IGF2R: variants seen among roughly 807,000 people sequenced by gnomAD.
IGF2R encodes insulin like growth factor 2 receptor, also known as cation-independent mannose-6-phosphate receptor.
A neutral mutation model predicts 270.6 loss-of-function variants in IGF2R; 91 were observed. The observed-to-expected ratio is 0.34, with a 90% CI of 0.28 to 0.40. The LOEUF is 0.40. IGF2R is among the 10% of genes least tolerant of loss of function. IGF2R has a pLI of 1.00. For synonymous variants in IGF2R, 1,316 were observed against 1,258.9 expected (o/e 1.05, Z -0.96); for missense variants, 2,805 against 3,188.3 (o/e 0.88, Z 2.90).
chr6:160,080,275 T>A lies in IGF2R; in HGVS notation c.5833T>A (p.Ser1945Thr), dbSNP rs754691366. 1.2e-6 allele frequency: 2 copies of A among 1,613,640 alleles called. No individual in the cohort carries two copies. Among genetic ancestry groups the A allele is most frequent in the Non-Finnish European group, 1.7e-6 (2 of 1,179,920 alleles). Residue 1945 changes from serine to threonine, a missense_variant and splice_region_variant, in exon 39 of 48, where the codon TCA becomes ACA. Ser to Thr is a moderately conservative substitution (Grantham distance 58). Coordinates refer to ENST00000356956, the MANE Select transcript of IGF2R (RefSeq NM_000876.4). ...CCACGAGTGGGGCTTCTGCAGACAC[T>A]GTGAGTAGGACGGCTCCGCGTCCCC... ...RDHEWGFCRH[S>T]NSYRTSSIIF... is the part of the protein sequence containing the mutation.
rs68155905 is a variant in IGF2R, at chr6:160,105,905, TTGTG to T, written c.*852_*855del. 7.8e-3 allele frequency: 1,131 copies of T among 145,470 alleles called. 15 individuals carry two copies. Among genetic ancestry groups the T allele is most frequent in the South Asian group, 0.026 (121 of 4,592 alleles). The allele number at this position is 145,470 out of a possible 1,614,324, so 9.0% of individuals were successfully genotyped here. A position where few individuals can be genotyped will look rare whatever the true frequency, so the allele number is the denominator to read the frequency against. Reference sequence around the variant, plus strand: ...CCTGCCCAAAGATTGATTTGTGTGTTTGTGTGTGTGTGTGTGTGTGTGTGTGTGT... The same window carrying T: ...CCTGCCCAAAGATTGATTTGTGTGTTTGTGTGTGTGTGTGTGTGTGTGTGT... On this transcript the variant is annotated 3_prime_UTR_variant, in exon 48 of 48. Transcript: ENST00000356956.
intron 4 of IGF2R, among the ~76,000 whole-genome samples, chr6:160,015,258 A>G (rs576236949): frequency 7.9e-5 from 12 of 152,318 alleles, no homozygotes; most frequent in African/African-American, 2.9e-4. Context: ...TAATAAAACT[A>G]TCTACTTTGA....
chr6:160,017,989 A>G (rs1157243183), intron 4 of IGF2R, among the ~76,000 whole-genome samples: 1 of 152,210 alleles, frequency 6.6e-6, no homozygotes, highest in African/African-American at 2.4e-5. Context: ...TATGACAGGA[A>G]TAAAACCTCA....
intron 2 of IGF2R, among the ~76,000 whole-genome samples, chr6:159,997,829 T>C (rs918036107): frequency 1.3e-5 from 2 of 152,222 alleles, no homozygotes; most frequent in African/African-American, 4.8e-5. Context: ...CCCCCACTTG[T>C]CATTTTGCAT....
Position 160,047,353 on chromosome 6 carries a change from C to G in IGF2R, c.2229+17C>G. The G allele has an allele frequency of 6.4e-7, 1 of 1,552,252 alleles. No individual in the cohort carries two copies. Among genetic ancestry groups the G allele is most frequent in the Non-Finnish European group, 8.7e-7 (1 of 1,153,560 alleles). On this transcript the variant is annotated intron_variant, in intron 16 of 47. Transcript: ENST00000356956. Reference sequence around the variant, plus strand: ...GAATATCAGGTAGGAATGTTTGTTCCTCATCGCGCTCCCTGAGGATACTCA... The same window carrying G: ...GAATATCAGGTAGGAATGTTTGTTCGTCATCGCGCTCCCTGAGGATACTCA...
intron 4 of IGF2R, among the ~76,000 whole-genome samples, chr6:160,019,073 A>G (rs1408003677): frequency 6.6e-6 from 1 of 152,094 alleles, no homozygotes; most frequent in Non-Finnish European, 1.5e-5. Context: ...CAGATTAACC[A>G]GAAGAGAGAG....
At chr6:160,094,106 T>C in intron 44 of IGF2R, 1 of 475,092 alleles carries the variant, frequency 2.1e-6, no homozygotes, top group Non-Finnish European at 4.1e-6. Flanking sequence ...TCTCCCAAAG[T>C]ACTACTGCTG....
Position 160,047,144 on chromosome 6 carries a change from G to A in IGF2R, c.2052-15G>A, listed in dbSNP as rs1396390385. 8 of 1,612,830 alleles carry A rather than the reference G, an allele frequency of 5.0e-6. No individual in the cohort carries two copies. In the East Asian group the frequency reaches 6.7e-5, roughly 13 times the overall value. On this transcript the variant is annotated splice_polypyrimidine_tract_variant and intron_variant, in intron 15 of 47. Coordinates refer to ENST00000356956, the MANE Select transcript of IGF2R (RefSeq NM_000876.4). ...CCCTCAGGTCTTTGCTGAGAGAAACGTGTGTTTATTTCAGTGATGAGAAGA... is the reference window on the plus strand; with the variant it reads ...CCCTCAGGTCTTTGCTGAGAGAAACATGTGTTTATTTCAGTGATGAGAAGA...
At chr6:160,019,284 A>G (rs369217013) in intron 4 of IGF2R, among the ~76,000 whole-genome samples, 34 of 152,316 alleles carry the variant, frequency 2.2e-4, no homozygotes, top group African/African-American at 7.9e-4. Context: ...TTGGGATTGA[A>G]TCAGTAATTT....
rs759298262 is a variant in IGF2R, at chr6:160,075,930, C to T, written c.5250C>T (p.Cys1750=). The T allele has an allele frequency of 3.1e-6, 5 of 1,614,142 alleles. No individual in the cohort carries two copies. Among genetic ancestry groups the T allele is most frequent in the South Asian group, 2.2e-5 (2 of 91,076 alleles). ...TGAATTTTGAAAGCAGTACTCCTTG[C>T]TTAGCGGACAAGCATTTCAACTACA... ...IYLNFESSTP[C]LADKHFNYTS... The change falls in exon 36 of 48, where the codon TGC becomes TGT. Residue 1750 remains cysteine, a synonymous_variant. Coordinates refer to ENST00000356956, the MANE Select transcript of IGF2R (RefSeq NM_000876.4).
intron 1 of IGF2R, among the ~76,000 whole-genome samples, chr6:159,986,755 T>C (rs1279116546): frequency 6.9e-6 from 1 of 145,828 alleles, no homozygotes; most frequent in Non-Finnish European, 1.5e-5. Flanking sequence ...TTTTTTTTTC[T>C]GTTGGCTTTT....
In IGF2R at chr6:159,998,667, T is replaced by C. The variant is rs772830297; in HGVS notation, c.289+7344T>C. Among the ~76,000 whole-genome samples the C allele has an allele frequency of 6.6e-6, 1 of 152,184 alleles. No individual in the cohort carries two copies. Among genetic ancestry groups the C allele is most frequent in the Non-Finnish European group, 1.5e-5 (1 of 68,042 alleles). ...CCCCCAGATATGTGTGACAGATCCC[T>C]TTCCCAGAGCTTGAAACTTCCAGAG... On this transcript the variant is annotated intron_variant, in intron 2 of 47. Coordinates refer to ENST00000356956, the MANE Select transcript of IGF2R (RefSeq NM_000876.4). This position sits in a 1 kb window ranked among gnomAD's most constrained non-coding sequence, Gnocchi z 4.1.
At chr6:159,973,019 C>T (rs558634831) in intron 1 of IGF2R, among the ~76,000 whole-genome samples, 3 of 152,240 alleles carry the variant, frequency 2.0e-5, no homozygotes, top group African/African-American at 7.2e-5. Context: ...ATTGCTAGTA[C>T]AAAGTTAGTA....
intron 1 of IGF2R, among the ~76,000 whole-genome samples, chr6:159,984,118 G>C (rs1316103206): frequency 6.6e-6 from 1 of 152,234 alleles, no homozygotes; most frequent in Non-Finnish European, 1.5e-5. Flanking sequence ...GCTGTCCTCA[G>C]ATGGGTTCAA....
chr6:160,090,039 G>C lies in IGF2R; in HGVS notation c.6591G>C (p.Lys2197Asn). 1 of 1,602,216 alleles carries C rather than the reference G, an allele frequency of 6.2e-7. No individual in the cohort carries two copies. The highest frequency in any genetic ancestry group is 8.5e-7 in the Non-Finnish European group (1 of 1,174,428). The change falls in exon 44 of 48, where the codon AAG becomes AAC. Residue 2197 changes from lysine to asparagine, a missense_variant. By Grantham distance (94) the Lys-to-Asn change is moderately conservative. Coordinates refer to ENST00000356956, the MANE Select transcript of IGF2R (RefSeq NM_000876.4). ...ACSGANICQV[K>N]PNDQHFSRKV... ...CTGGAGCCAACATATGCCAGGTGAAGCCCAACGATCAGCACTTCAGTCGGA... is the reference window on the plus strand; with the variant it reads ...CTGGAGCCAACATATGCCAGGTGAACCCCAACGATCAGCACTTCAGTCGGA...
chr6:160,055,804 G>A (rs1778302214), intron 19 of IGF2R, among the ~76,000 whole-genome samples: 1 of 152,188 alleles, frequency 6.6e-6, no homozygotes, highest in Admixed American at 6.5e-5. Context: ...AACACTCCCT[G>A]ATCGGCAGCT....
chr6:160,097,914 C>A (rs1209391712), intron 45 of IGF2R, among the ~76,000 whole-genome samples: 2 of 152,142 alleles, frequency 1.3e-5, no homozygotes, highest in Non-Finnish European at 2.9e-5. Context: ...GCTGCACAGT[C>A]AGGGAAAGAG....
chr6:160,022,013 AACACAC>A (rs58646750), intron 4 of IGF2R, among the ~76,000 whole-genome samples: 28 of 142,752 alleles, frequency 2.0e-4, no homozygotes, highest in East Asian at 8.1e-4. Flanking sequence ...CTAGGTAAAG[AACACAC>A]ACACACACAC....
intron 2 of IGF2R, chr6:160,006,703 C>T (rs551976009): frequency 3.3e-5 from 5 of 152,352 alleles, no homozygotes; most frequent in African/African-American, 1.2e-4. Context: ...GGGATTGGAT[C>T]AGCTATCATC....
Sources: gnomAD v4.1 joint callset for allele counts (sites outside exome capture counted in the v4.1 genomes callset) on GRCh38, gnomAD v4.1.1 for gene constraint, Gnocchi (gnomAD v3.1) non-coding constraint, MANE v1.5 for transcripts, NCBI Gene and HGNC (gene_info 2026-07-23, HGNC 2026-07-21) for gene names.